The following RASSF9 variants were observed in gnomAD, a reference collection of about 807,000 sequenced individuals.
The protein encoded by RASSF9 is ras association domain-containing protein 9.
A neutral mutation model predicts 21.4 loss-of-function variants in RASSF9; 18 were observed. The ratio of observed to expected loss-of-function variants is 0.84; its 90% CI spans 0.58 to 1.25. The LOEUF is 1.25. Ranked by LOEUF, RASSF9 falls within the 50% of genes most tolerant of loss-of-function variation. The pLI, the probability that RASSF9 is intolerant of heterozygous loss-of-function variation, is 0.00. For missense variants in RASSF9, 480 were observed against 503.2 expected, an observed-to-expected ratio of 0.95 and a Z score of 0.44; for synonymous variants, 183 against 179.1, an observed-to-expected ratio of 1.02 and a Z score of -0.18.
chr12:85,836,013 G>A (rs1032012240), intron 1 of RASSF9, 142 bp downstream of exon 1: 7 of 1,500,262 alleles, frequency 4.7e-6, no homozygotes, highest in East Asian at 2.5e-5. Context: ...CTTAGGCTAG[G>A]ACTGTGTCCC....
At chr12:85,832,394 CA>C (rs1168148142) in intron 1 of RASSF9, among the ~76,000 whole-genome samples, 3 of 151,574 alleles carry the variant, frequency 2.0e-5, no homozygotes, top group Non-Finnish European at 4.4e-5. Flanking sequence ...CCAAGTGTTC[CA>C]AAAAATGGTT....
chr12:85,827,143 A>T (rs1272753519), intron 1 of RASSF9, among the ~76,000 whole-genome samples: 2 of 152,210 alleles, frequency 1.3e-5, no homozygotes, highest in Non-Finnish European at 2.9e-5. Context: ...TTATGTATTT[A>T]ACTGGCATCT....
chr12:85,826,612 T>TCACCTTGTTCACCCACAGCCACAC (rs1555189583), intron 1 of RASSF9, among the ~76,000 whole-genome samples: 1 of 151,524 alleles, frequency 6.6e-6, no homozygotes, highest in African/African-American at 2.4e-5. Context: ...CGTGCCTGGC[T>TCACCTTGTTCACCCACAGCCACAC]AATTTTTTGT....
chr12:85,816,869 G>A (rs1880080419), intron 1 of RASSF9, among the ~76,000 whole-genome samples: 1 of 151,996 alleles, frequency 6.6e-6, no homozygotes, highest in Admixed American at 6.6e-5. Flanking sequence ...GGAGAATGAG[G>A]TCCAGCCTAC....
intron 1 of RASSF9, among the ~76,000 whole-genome samples, chr12:85,823,052 T>C (rs111957627): frequency 0.053 from 8,056 of 152,072 alleles, 458 homozygotes; most frequent in African/African-American, 0.14. Flanking sequence ...TACAAAAATT[T>C]AGCCGGTCTT....
At chr12:85,826,027 C>T (rs1232311577) in intron 1 of RASSF9, among the ~76,000 whole-genome samples, 1 of 152,126 alleles carries the variant, frequency 6.6e-6, no homozygotes, top group Admixed American at 6.5e-5. Context: ...TATTAATCAG[C>T]CCCATATGGT....
chr12:85,835,979 T>C (rs1206390204), intron 1 of RASSF9, among the ~76,000 whole-genome samples, 176 bp downstream of exon 1: 1 of 152,088 alleles, frequency 6.6e-6, no homozygotes, highest in Non-Finnish European at 1.5e-5. Context: ...CCTTACTATC[T>C]AGGTATTCAT....
chr12:85,836,091 T>TAC, intron 1 of RASSF9, 64 bp downstream of exon 1: 3 of 1,548,088 alleles, frequency 1.9e-6, no homozygotes, highest in African/African-American at 1.4e-5. Flanking sequence ...GGGTCCAGAG[T>TAC]ACACACACAA....
At chr12:85,835,721 T>G (rs1880545517) in intron 1 of RASSF9, among the ~76,000 whole-genome samples, 1 of 152,214 alleles carries the variant, frequency 6.6e-6, no homozygotes, top group African/African-American at 2.4e-5. Flanking sequence ...TTAGTGGCTA[T>G]AAATACTAGT....
In RASSF9 at chr12:85,822,342, A is replaced by G. The variant is rs543440641; in HGVS notation, c.47+13813T>C. Reference sequence around the variant, plus strand: ...AGGAATTTCAGTTATCCAGTTGGATAGCTGAAAACATGAGGTGAGCCCCGT... The same window carrying G: ...AGGAATTTCAGTTATCCAGTTGGATGGCTGAAAACATGAGGTGAGCCCCGT... On this transcript the variant is annotated intron_variant, in intron 1 of 1. Transcript: ENST00000361228. Among the ~76,000 whole-genome samples the G allele has an allele frequency of 2.0e-5, 3 of 152,334 alleles. No individual in the cohort carries two copies. The South Asian group carries it at 6.2e-4, about 32-fold the overall frequency.
Position 85,805,226 on chromosome 12 carries a change from C to A in RASSF9, c.784G>T (p.Glu262Ter). ...TCCAGCTGTTCAATTCCATCACTTTCGCTCAGGTCCTCCAGAGTCTGGTTT... is the reference window on the plus strand; with the variant it reads ...TCCAGCTGTTCAATTCCATCACTTTAGCTCAGGTCCTCCAGAGTCTGGTTT... ...EENQTLEDLS[E>*]SDGIEQLEER... The change falls in exon 2 of 2, where the codon GAA becomes TAA. Residue 262 changes from glutamate to a stop codon, truncating the protein, a stop_gained. Transcript: ENST00000361228. LOFTEE classifies it high-confidence loss of function. 6.2e-7 allele frequency: 1 copy of A among 1,613,774 alleles called. No homozygotes were observed. The highest frequency in any genetic ancestry group is 8.5e-7 in the Non-Finnish European group (1 of 1,179,886).
intron 1 of RASSF9, among the ~76,000 whole-genome samples, chr12:85,806,565 C>T (rs1879839441): frequency 1.4e-5 from 2 of 148,084 alleles, no homozygotes; most frequent in Middle Eastern, 3.6e-3. Flanking sequence ...TCCAGCTACT[C>T]AGGAGGCTGA....
intron 1 of RASSF9, among the ~76,000 whole-genome samples, chr12:85,812,440 T>C (rs1156746568): frequency 2.0e-5 from 3 of 151,214 alleles, no homozygotes; most frequent in Non-Finnish European, 4.4e-5. Context: ...TGCTATAATA[T>C]ACATTTTAAT....
Position 85,801,419 on chromosome 12 carries a change from A to G in RASSF9, c.*3283T>C, listed in dbSNP as rs1879697162. On this transcript the variant is annotated 3_prime_UTR_variant, in exon 2 of 2. Transcript: ENST00000361228. ...CACACACACACACACAAAAGCTACA[A>G]ACCTCTAAAATTTAGCCACTCAATT... is the stretch of plus-strand genomic sequence containing the variant. 6.6e-6 allele frequency: 1 copy of G among 152,176 alleles called. No individual in the cohort carries two copies. The highest frequency in any genetic ancestry group is 1.5e-5 in the Non-Finnish European group (1 of 68,032). 9.4% of individuals were successfully genotyped at this position (152,176 alleles called of 1,614,324 possible).
intron 1 of RASSF9, among the ~76,000 whole-genome samples, chr12:85,808,504 A>T (rs150342042): frequency 4.0e-4 from 61 of 152,136 alleles, no homozygotes; most frequent in African/African-American, 1.4e-3. Context: ...AGAAATTAGA[A>T]TACCAAACTT....
intron 1 of RASSF9, among the ~76,000 whole-genome samples, chr12:85,806,672 C>CAAAAAAAAAAAAAAAAAA (rs71076150): frequency 1.8e-5 from 1 of 54,822 alleles, no homozygotes; most frequent in African/African-American, 6.6e-5. Context: ...GACTCCATCT[C>CAAAAAAAAAAAAAAAAAA]AAAAAAAAAA....
At chr12:85,824,488 C>T (rs559501212) in intron 1 of RASSF9, among the ~76,000 whole-genome samples, 1 of 152,256 alleles carries the variant, frequency 6.6e-6, no homozygotes, top group South Asian at 2.1e-4. Flanking sequence ...TAAAATCTTT[C>T]CCCTTCACAT....
chr12:85,813,712 TA>T (rs1354078178), intron 1 of RASSF9, among the ~76,000 whole-genome samples: 1 of 151,716 alleles, frequency 6.6e-6, no homozygotes, highest in African/African-American at 2.4e-5. Context: ...ATTTTATATA[TA>T]AAACTTAGCA....
rs1879749102 is a variant in RASSF9, at chr12:85,803,565, G to A, written c.*1137C>T. On this transcript the variant is annotated 3_prime_UTR_variant, in exon 2 of 2. Coordinates refer to ENST00000361228, the MANE Select transcript of RASSF9 (RefSeq NM_005447.4). Reference sequence around the variant, plus strand: ...ATAAGAAGAAAGTAAGCAAAGAAGGGAGAGAGAAGAAAGCACATTTCTAAT... The same window carrying A: ...ATAAGAAGAAAGTAAGCAAAGAAGGAAGAGAGAAGAAAGCACATTTCTAAT... The A allele has an allele frequency of 6.6e-6, 1 of 152,072 alleles. No homozygotes were observed. The highest frequency in any genetic ancestry group is 1.5e-5 in the Non-Finnish European group (1 of 67,998). 9.4% of individuals were successfully genotyped at this position (152,072 alleles called of 1,614,324 possible).
Sources: gnomAD v4.1 joint callset for allele counts (sites outside exome capture counted in the v4.1 genomes callset) on GRCh38, gnomAD v4.1.1 for gene constraint, MANE v1.5 for transcripts, NCBI Gene and HGNC (gene_info 2026-07-23, HGNC 2026-07-21) for gene names.